CCDC136: variants seen among roughly 807,000 people sequenced by gnomAD.
CCDC136 encodes coiled-coil domain containing 136, also known as coiled-coil domain-containing protein 136.
Under a neutral mutation model 141.2 loss-of-function variants are expected in CCDC136, and 100 were observed. That is an observed-to-expected ratio of 0.71 (90% CI 0.60 to 0.84). The LOEUF (loss-of-function observed/expected upper bound fraction) is 0.84, where lower values mean the gene tolerates loss of function less well. Ranked by LOEUF, CCDC136 falls within the 40% of genes least tolerant of loss-of-function variation. The pLI, the probability that CCDC136 is intolerant of heterozygous loss-of-function variation, is 0.00. For synonymous variants in CCDC136, 474 were observed against 531.9 expected, an observed-to-expected ratio of 0.89 and a Z score of 1.50; for missense variants, 1,206 against 1,379.4, an observed-to-expected ratio of 0.87 and a Z score of 1.99.
rs750740202 is a variant in CCDC136 at position 128,810,216 on chromosome 7, G to T, written c.1878G>T (p.Lys626Asn). 2 of 1,611,970 alleles carry T rather than the reference G, an allele frequency of 1.2e-6. No homozygotes were observed. Among genetic ancestry groups the T allele is most frequent in the Admixed American group, 3.3e-5 (2 of 59,742 alleles). ...ACCAAGGCATGCAGGAGGAACAGAAGAAGCTGATACAGAACCAAGACTGTG... is the reference window on the plus strand; with the variant it reads ...ACCAAGGCATGCAGGAGGAACAGAATAAGCTGATACAGAACCAAGACTGTG... ...LLYQGMQEEQ[K>N]KLIQNQDCVL... The change falls in exon 12 of 18, where the codon AAG (lysine) becomes AAT (asparagine). Residue 626 changes from lysine (K) to asparagine (N), a missense_variant. Lys to Asn is a moderately conservative substitution (Grantham distance 94, BLOSUM62 0). Transcript: ENST00000297788.
chr7:128,814,928 T>C lies in CCDC136; in HGVS notation c.3045+9T>C. The C allele has an allele frequency of 6.4e-7, 1 of 1,563,438 alleles. No individual in the cohort carries two copies. Among genetic ancestry groups the C allele is most frequent in the Non-Finnish European group, 8.7e-7 (1 of 1,152,356 alleles). On this transcript the variant is annotated intron_variant, in intron 15 of 17. Transcript: ENST00000297788. ...ACCTTGAGACCAGAAAGGTGAGTAG[T>C]AACCTTGGTAGCCAGATAAGCAGAA...
At chr7:128,813,914 G>A (rs1806156561) in intron 14 of CCDC136, among the ~76,000 whole-genome samples, 1 of 151,956 alleles carries the variant, frequency 6.6e-6, no homozygotes, top group South Asian at 2.1e-4. Flanking sequence ...TCCAGGAGGC[G>A]GAGGTTGCGG....
intron 14 of CCDC136, among the ~76,000 whole-genome samples, chr7:128,813,922 C>T (rs766634716): frequency 7.3e-5 from 11 of 150,904 alleles, no homozygotes; most frequent in East Asian, 2.0e-4. Flanking sequence ...GCGGAGGTTG[C>T]GGTGAGCCAA....
chr7:128,802,658 A>G (rs1430361893), intron 4 of CCDC136, among the ~76,000 whole-genome samples: 1 of 152,242 alleles, frequency 6.6e-6, no homozygotes, highest in Non-Finnish European at 1.5e-5. Flanking sequence ...CAAGTAAACT[A>G]TGGAGTTTAG....
Position 128,817,024 on chromosome 7 carries a change from C to T in CCDC136, c.3364-734C>T, listed in dbSNP as rs189651050. Among the ~76,000 whole-genome samples, 4 of 152,322 alleles carry T rather than the reference C, an allele frequency of 2.6e-5. No individual in the cohort carries two copies. In the East Asian group the frequency reaches 7.7e-4, roughly 29 times the overall value. On this transcript the variant is annotated intron_variant, in intron 16 of 17. Transcript: ENST00000297788. This position sits in a 1 kb window ranked among gnomAD's most constrained non-coding sequence, Gnocchi z 4.6. ...TCCTTGAGCTCATCATATTCCACCA[C>T]GTGCTGGTTCAGAGCCTCACAGATG...
chr7:128,803,069 G>A (rs532870932), intron 4 of CCDC136, among the ~76,000 whole-genome samples: 37 of 152,362 alleles, frequency 2.4e-4, no homozygotes, highest in African/African-American at 8.2e-4. Flanking sequence ...CTTTTAGGGT[G>A]TTGAATCTTC....
chr7:128,816,080 C>A, intron 16 of CCDC136, 149 bp downstream of exon 16: 1 of 739,958 alleles, frequency 1.4e-6, no homozygotes, highest in Non-Finnish European at 2.2e-6. Flanking sequence ...GGTGGAGATG[C>A]AGAAGTGGGA....
chr7:128,810,469 C>G, intron 12 of CCDC136, 103 bp downstream of exon 12: 1 of 798,390 alleles, frequency 1.3e-6, no homozygotes, highest in Non-Finnish European at 2.0e-6. Context: ...CGTGTTTGGC[C>G]AGGGGTAAGG....
Position 128,806,849 on chromosome 7 carries a change from C to G in CCDC136, c.1410C>G (p.Ser470Arg). The G allele has an allele frequency of 6.2e-7, 1 of 1,601,520 alleles. No individual in the cohort carries two copies. Among genetic ancestry groups the G allele is most frequent in the East Asian group, 2.2e-5 (1 of 44,666 alleles). ...ATACGGTGGCCTCCTTCAAAGAGAG[C>G]AATGAGAAGGTAAAAGAAGCTCCTG... is the stretch of plus-strand genomic sequence containing the variant. ...LRDTVASFKE[S>R]NEKDTETHAQ... The change falls in exon 9 of 18, where the codon AGC (serine) becomes AGG (arginine). Residue 470 changes from serine (S) to arginine (R), a missense_variant. Physicochemically the swap from Ser to Arg is moderately radical, Grantham distance 110. Coordinates refer to ENST00000297788, the MANE Select transcript of CCDC136 (RefSeq NM_022742.5).
At chr7:128,790,921 G>A (rs1802099985), upstream of CCDC136, 1 of 152,254 alleles carries the variant, frequency 6.6e-6, no homozygotes, top group African/African-American at 2.4e-5. This position sits in a 1 kb window ranked among gnomAD's most constrained non-coding sequence, Gnocchi z 5.4. Context: ...GGCTGCCGAG[G>A]GGCCACCGGG....
chr7:128,817,755 C>T lies in CCDC136; in HGVS notation c.3364-3C>T. 2 of 1,606,882 alleles carry T rather than the reference C, an allele frequency of 1.2e-6. No individual in the cohort carries two copies. The highest frequency in any genetic ancestry group is 1.7e-6 in the Non-Finnish European group (2 of 1,173,502). On this transcript the variant is annotated splice_region_variant and splice_polypyrimidine_tract_variant and intron_variant, in intron 16 of 17. Transcript: ENST00000297788. This position sits in a 1 kb window ranked among gnomAD's most constrained non-coding sequence, Gnocchi z 4.6. ...GCTTCTTTCTCATTTTGGTGTGTTGCAGTCATCCCCTACCCCCAATCCCCC... is the reference window on the plus strand; with the variant it reads ...GCTTCTTTCTCATTTTGGTGTGTTGTAGTCATCCCCTACCCCCAATCCCCC...
At chr7:128,818,006 G>A (rs1806912042) in intron 17 of CCDC136, 142 bp downstream of exon 17, 3 of 661,822 alleles carry the variant, frequency 4.5e-6, no homozygotes, top group Admixed American at 2.8e-5. Flanking sequence ...CTGAGTTTTA[G>A]TTCTGACTTT....
intron 10 of CCDC136, chr7:128,808,955 A>G (rs966500578): frequency 1.0e-6 from 1 of 985,230 alleles, no homozygotes; most frequent in African/African-American, 1.7e-5. Context: ...CCAATAGCGC[A>G]TACTTTCTAA....
chr7:128,817,722 C>A lies in CCDC136; in HGVS notation c.3364-36C>A. ...GTTTATGTCTCACATCTCCTGGTCT[C>A]TCCTCGTGCTTCTTTCTCATTTTGG... On this transcript the variant is annotated intron_variant, in intron 16 of 17. Coordinates refer to ENST00000297788, the MANE Select transcript of CCDC136 (RefSeq NM_022742.5). This position sits in a 1 kb window ranked among gnomAD's most constrained non-coding sequence, Gnocchi z 4.6. 7.1e-7 allele frequency: 1 copy of A among 1,407,114 alleles called. No homozygotes were observed. The highest frequency in any genetic ancestry group is 1.4e-5 in the African/African-American group (1 of 70,894). The allele number at this position is 1,407,114 out of a possible 1,614,324, so 87.2% of individuals were successfully genotyped here. A position where few individuals can be genotyped will look rare whatever the true frequency, so the allele number is the denominator to read the frequency against.
In CCDC136 at chr7:128,805,289, C is replaced by A; in HGVS notation, c.783-70C>A. The A allele has an allele frequency of 1.4e-6, 2 of 1,423,256 alleles. No homozygotes were observed. The highest frequency in any genetic ancestry group is 1.2e-5 in the South Asian group (1 of 84,932). The allele number at this position is 1,423,256 out of a possible 1,614,324, so 88.2% of individuals were successfully genotyped here. ...TTGGCCTAAAATGAAGGTATCAGGA[C>A]AAAGCCTGCATGGCTGGTGATGCCA... On this transcript the variant is annotated intron_variant, in intron 5 of 17. Coordinates refer to ENST00000297788, the MANE Select transcript of CCDC136 (RefSeq NM_022742.5). The surrounding 1 kb of genome is among the most constrained non-coding windows in gnomAD (Gnocchi z 4.6).
chr7:128,791,539 T>C, upstream of CCDC136: 3 of 1,288,034 alleles, frequency 2.3e-6, no homozygotes, highest in Non-Finnish European at 2.9e-6. The surrounding 1 kb of genome is among the most constrained non-coding windows in gnomAD (Gnocchi z 7.1). Context: ...GGGCTGGAGC[T>C]GCCCGGGCCC....
intron 13 of CCDC136, 134 bp downstream of exon 13, chr7:128,812,446 C>A: frequency 2.0e-6 from 2 of 1,018,194 alleles, no homozygotes; most frequent in Non-Finnish European, 2.8e-6. Flanking sequence ...TGGAAGTAAG[C>A]GAAGCCCTCT....
At chr7:128,811,535 G>C (rs1052030805) in intron 12 of CCDC136, among the ~76,000 whole-genome samples, 1 of 152,210 alleles carries the variant, frequency 6.6e-6, no homozygotes, top group African/African-American at 2.4e-5. Context: ...CAAGGAGACA[G>C]GGATGTACCA....
In CCDC136 at chr7:128,808,488, G is replaced by A. The variant is rs373061464; in HGVS notation, c.1605+943G>A. ...TTCCATAGTGTATAAAATGCAAGCC[G>A]TTATCATTTATCCTGTTGAGCACTT... On this transcript the variant is annotated intron_variant, in intron 10 of 17. Coordinates refer to ENST00000297788, the MANE Select transcript of CCDC136 (RefSeq NM_022742.5). 8.2e-3 allele frequency: 8,072 copies of A among 985,170 alleles called. 34 individuals carry two copies. The highest frequency in any genetic ancestry group is 9.2e-3 in the Non-Finnish European group (7,623 of 829,776). 61.0% of individuals were successfully genotyped at this position (985,170 alleles called of 1,614,324 possible). A position where few individuals can be genotyped will look rare whatever the true frequency, so the allele number is the denominator to read the frequency against.
Sources: gnomAD v4.1 joint callset for allele counts (sites outside exome capture counted in the v4.1 genomes callset) on GRCh38, gnomAD v4.1.1 for gene constraint, Gnocchi (gnomAD v3.1) non-coding constraint, MANE v1.5 for transcripts, NCBI Gene and HGNC (gene_info 2026-07-23, HGNC 2026-07-21) for gene names.